Variants in SMIM10L3 observed in about 807,000 individuals in gnomAD.
The protein encoded by SMIM10L3 is small integral membrane protein 10 like 3.
At chr7:6,329,435 T>G in the SMIM10L3 span, 1 of 152,460 alleles carries the variant, frequency 6.6e-6, no homozygotes, top group African/African-American at 2.4e-5. Context: ...TTTATTAAGC[T>G]AAAGAACAAA....
the SMIM10L3 span, among the ~76,000 whole-genome samples, chr7:6,342,317 G>A: frequency 6.6e-6 from 1 of 152,030 alleles, no homozygotes. Flanking sequence ...GGCCGAGGCA[G>A]GTGGATCTCT....
the SMIM10L3 span, among the ~76,000 whole-genome samples, chr7:6,344,979 G>A: frequency 7.9e-5 from 12 of 152,188 alleles, no homozygotes; most frequent in South Asian, 2.5e-3. Flanking sequence ...GACCTCAGGT[G>A]ATCTGCCTGC....
the SMIM10L3 span, among the ~76,000 whole-genome samples, chr7:6,332,562 A>T: frequency 3.9e-4 from 60 of 152,224 alleles, no homozygotes; most frequent in African/African-American, 1.4e-3. Context: ...TCATGCTTAT[A>T]AACTCAGCAG....
the SMIM10L3 span, among the ~76,000 whole-genome samples, chr7:6,337,745 G>C: frequency 6.6e-6 from 1 of 151,600 alleles, no homozygotes; most frequent in African/African-American, 2.4e-5. Flanking sequence ...TAGTACTTTA[G>C]TATTCAGTAA....
At chr7:6,333,826 C>T in the SMIM10L3 span, among the ~76,000 whole-genome samples, 1 of 143,340 alleles carries the variant, frequency 7.0e-6, no homozygotes, top group South Asian at 2.3e-4. Flanking sequence ...AGAATGGTCT[C>T]GAACTCCTGG....
the SMIM10L3 span, among the ~76,000 whole-genome samples, chr7:6,336,506 C>T: frequency 6.6e-6 from 1 of 152,000 alleles, no homozygotes; most frequent in African/African-American, 2.4e-5. Context: ...CACAGGGAAA[C>T]CCTATCTCTA....
At chr7:6,347,885 T>TATTATTATC in the SMIM10L3 span, among the ~76,000 whole-genome samples, 4 of 61,664 alleles carry the variant, frequency 6.5e-5, no homozygotes, top group African/African-American at 3.4e-4. Flanking sequence ...GAGACCCCTT[T>TATTATTATC]ATTATTATTA....
At chr7:6,347,289 C>T in the SMIM10L3 span, among the ~76,000 whole-genome samples, 1 of 152,116 alleles carries the variant, frequency 6.6e-6, no homozygotes, top group Non-Finnish European at 1.5e-5. Context: ...TCGAGGCGGG[C>T]AGATCACTTG....
the SMIM10L3 span, chr7:6,330,637 C>T: frequency 6.2e-7 from 1 of 1,614,142 alleles, no homozygotes; most frequent in South Asian, 1.1e-5. Flanking sequence ...GGGAAAAGCA[C>T]TTGGTGGGTC....
chr7:6,347,058 G>C, the SMIM10L3 span, among the ~76,000 whole-genome samples: 1 of 152,202 alleles, frequency 6.6e-6, no homozygotes, highest in Admixed American at 6.6e-5. Flanking sequence ...TGGGCTCACT[G>C]GGTTCTGACT....
chr7:6,334,132 C>T, the SMIM10L3 span, among the ~76,000 whole-genome samples: 2 of 151,664 alleles, frequency 1.3e-5, no homozygotes, highest in Non-Finnish European at 2.9e-5. Context: ...AAGCGTGAGC[C>T]ACCGCACCCA....
the SMIM10L3 span, among the ~76,000 whole-genome samples, chr7:6,346,755 C>T: frequency 6.6e-6 from 1 of 152,124 alleles, no homozygotes; most frequent in Non-Finnish European, 1.5e-5. Flanking sequence ...TGTCAGGCAC[C>T]AGCCACCTGA....
chr7:6,335,852 C>G, the SMIM10L3 span, among the ~76,000 whole-genome samples: 39 of 151,604 alleles, frequency 2.6e-4, 1 homozygote, highest in East Asian at 5.2e-3. Context: ...CTGGGCAACA[C>G]AGCAAGACCC....
At chr7:6,348,783 C>G in the SMIM10L3 span, 3 of 397,280 alleles carry the variant, frequency 7.6e-6, no homozygotes, top group African/African-American at 2.1e-5. Context: ...TCCCACAGCC[C>G]CCCCGCCCGC....
At chr7:6,333,933 A>C in the SMIM10L3 span, among the ~76,000 whole-genome samples, 3 of 133,860 alleles carry the variant, frequency 2.2e-5, no homozygotes, top group South Asian at 2.4e-4. Flanking sequence ...TAAAAGCTCC[A>C]CCTCCCGGGT....
chr7:6,346,170 G>A, the SMIM10L3 span, among the ~76,000 whole-genome samples: 2 of 151,948 alleles, frequency 1.3e-5, no homozygotes, highest in East Asian at 3.9e-4. Flanking sequence ...CCCTATTTTC[G>A]AAGGTGGTAA....
chr7:6,331,004 C>A, the SMIM10L3 span: 1 of 1,614,220 alleles, frequency 6.2e-7, no homozygotes, highest in Non-Finnish European at 8.5e-7. Context: ...CCATCAACCA[C>A]AGGCTTATTC....
At chr7:6,338,901 G>A in the SMIM10L3 span, among the ~76,000 whole-genome samples, 1 of 152,216 alleles carries the variant, frequency 6.6e-6, no homozygotes, top group African/African-American at 2.4e-5. Flanking sequence ...GGTGGGCCTT[G>A]AGGGACTGCC....
the SMIM10L3 span, among the ~76,000 whole-genome samples, chr7:6,334,633 AT>A: frequency 2.0e-5 from 3 of 151,822 alleles, no homozygotes; most frequent in South Asian, 6.3e-4. Context: ...CGCCCGGCTA[AT>A]TTTTTATATT....
Sources: allele counts gnomAD v4.1 joint callset (sites outside exome capture counted in the v4.1 genomes callset), GRCh38; gene constraint gnomAD v4.1.1; transcripts MANE v1.5; gene names NCBI Gene and HGNC (gene_info 2026-07-23, HGNC 2026-07-21).